The following RAD54L2 variants were observed in gnomAD, a reference collection of about 807,000 sequenced individuals.
RAD54L2 encodes RAD54 like 2, also known as helicase ARIP4.
Under a neutral mutation model 138.4 loss-of-function variants are expected in RAD54L2, and 27 were observed. The ratio of observed to expected loss-of-function variants is 0.20; its 90% confidence interval spans 0.14 to 0.27. The LOEUF (loss-of-function observed/expected upper bound fraction) is 0.27. Among genes scored for constraint, RAD54L2 ranks in the 10% least tolerant of loss-of-function variants. RAD54L2 has a pLI of 1.00. For missense variants in RAD54L2, 1,396 were observed against 1,890.2 expected (o/e 0.74, Z 4.85); for synonymous variants, 644 against 723.2 (o/e 0.89, Z 1.76).
intron 19 of RAD54L2, among the ~76,000 whole-genome samples, chr3:51,646,740 G>A (rs760234056): frequency 1.3e-5 from 2 of 152,236 alleles, no homozygotes; most frequent in East Asian, 1.9e-4. Context: ...GGTAGGAGAC[G>A]GGGATAAAGC....
intron 2 of RAD54L2, among the ~76,000 whole-genome samples, chr3:51,560,158 T>C (rs778267030): frequency 8.0e-5 from 12 of 150,646 alleles, no homozygotes; most frequent in Admixed American, 1.3e-4. Flanking sequence ...TCAGCAGTGT[T>C]GATAGTAAAA....
At chr3:51,658,763 C>G (rs745336119) in intron 21 of RAD54L2, among the ~76,000 whole-genome samples, 1 of 152,146 alleles carries the variant, frequency 6.6e-6, no homozygotes, top group Non-Finnish European at 1.5e-5. Context: ...TTACTGGATT[C>G]TTCCTAGTCT....
At chr3:51,655,761 C>CA (rs1701582690) in intron 19 of RAD54L2, among the ~76,000 whole-genome samples, 2 of 152,218 alleles carry the variant, frequency 1.3e-5, no homozygotes, top group Non-Finnish European at 2.9e-5. Context: ...TAGACTTTGA[C>CA]AGACTTTATC....
intron 2 of RAD54L2, among the ~76,000 whole-genome samples, chr3:51,554,345 C>T (rs569175384): frequency 7.8e-4 from 116 of 149,362 alleles, no homozygotes; most frequent in African/African-American, 2.7e-3. Context: ...CCAGCCTGGG[C>T]GACAAAGCGA....
intron 2 of RAD54L2, among the ~76,000 whole-genome samples, chr3:51,560,483 C>T (rs1041650596): frequency 6.6e-6 from 1 of 151,868 alleles, no homozygotes; most frequent in Non-Finnish European, 1.5e-5. Flanking sequence ...CCTCAGCCTC[C>T]TGTAGTAGCT....
At chr3:51,643,031 CTTT>C (rs1212581275) in intron 15 of RAD54L2, among the ~76,000 whole-genome samples, 7 of 113,210 alleles carry the variant, frequency 6.2e-5, no homozygotes, top group Middle Eastern at 5.3e-3. Context: ...TAACTGAAGT[CTTT>C]TTTTTTTTTT....
intron 2 of RAD54L2, among the ~76,000 whole-genome samples, chr3:51,557,830 C>CAAAAAAA (rs1166273906): frequency 6.2e-5 from 2 of 32,218 alleles, no homozygotes; most frequent in African/African-American, 1.2e-4. Flanking sequence ...AACTCCATCT[C>CAAAAAAA]AAAAAAAAAA....
intron 16 of RAD54L2, among the ~76,000 whole-genome samples, chr3:51,644,498 A>G (rs185368770): frequency 6.6e-5 from 10 of 152,334 alleles, no homozygotes; most frequent in South Asian, 2.1e-4. Flanking sequence ...CAAGAGTTTT[A>G]ATTAGCTTTT....
At chr3:51,648,583 C>T (rs1701348107) in intron 19 of RAD54L2, among the ~76,000 whole-genome samples, 1 of 152,176 alleles carries the variant, frequency 6.6e-6, no homozygotes, top group Non-Finnish European at 1.5e-5. Context: ...GGGTGCCCCT[C>T]TGAGACGAAG....
intron 2 of RAD54L2, among the ~76,000 whole-genome samples, chr3:51,578,492 T>C (rs1326185792): frequency 6.6e-6 from 1 of 152,202 alleles, no homozygotes; most frequent in Non-Finnish European, 1.5e-5. Flanking sequence ...ATGGAATGTA[T>C]TTTGAACTGC....
intron 3 of RAD54L2, among the ~76,000 whole-genome samples, chr3:51,626,912 C>T (rs984016227): frequency 6.6e-6 from 1 of 152,088 alleles, no homozygotes; most frequent in Non-Finnish European, 1.5e-5. Context: ...TTGATCTGCC[C>T]TTCCTGTGAT....
At chr3:51,644,582 G>C (rs1701223882) in intron 16 of RAD54L2, among the ~76,000 whole-genome samples, 1 of 152,252 alleles carries the variant, frequency 6.6e-6, no homozygotes, top group African/African-American at 2.4e-5. Context: ...AGTGCAAGGT[G>C]ACTGTAAAAG....
intron 2 of RAD54L2, among the ~76,000 whole-genome samples, chr3:51,561,537 G>A (rs1699098460): frequency 6.6e-6 from 1 of 151,558 alleles, no homozygotes. Flanking sequence ...GAGCCACCAC[G>A]CCCGGCCGAA....
In RAD54L2 at chr3:51,566,466, G is replaced by GTTT. The variant is rs71084149; in HGVS notation, c.-54-23873_-54-23871dup. Among the ~76,000 whole-genome samples, 9 of 31,534 alleles carry GTTT rather than the reference G, an allele frequency of 2.9e-4. 2 individuals are homozygous for GTTT. Among genetic ancestry groups the GTTT allele is most frequent in the East Asian group, 2.8e-3 (2 of 704 alleles). The allele number at this position is 31,534 out of a possible 152,430, so 20.7% of individuals were successfully genotyped here. On this transcript the variant is annotated intron_variant, in intron 2 of 22. Coordinates refer to ENST00000684192, the MANE Select transcript of RAD54L2 (RefSeq NM_015106.4). ...TGAATTTTATCACAGCCTTTTCTGC[G>GTTT]TTTTTTTTTTTTTTTTTTTTTTTTT... is the stretch of plus-strand genomic sequence containing the variant.
chr3:51,552,784 C>T (rs986972009), intron 2 of RAD54L2, among the ~76,000 whole-genome samples: 14 of 151,214 alleles, frequency 9.3e-5, no homozygotes, highest in Non-Finnish European at 2.9e-5. Context: ...GATTTTGAAC[C>T]TCTGGGCTCA....
At chr3:51,585,629 A>G (rs1162229004) in intron 2 of RAD54L2, among the ~76,000 whole-genome samples, 1 of 152,056 alleles carries the variant, frequency 6.6e-6, no homozygotes, top group African/African-American at 2.4e-5. Flanking sequence ...GCAGAACAAT[A>G]TTTTCCTTCA....
intron 3 of RAD54L2, among the ~76,000 whole-genome samples, chr3:51,612,937 T>C (rs898186840): frequency 6.6e-6 from 1 of 152,114 alleles, no homozygotes; most frequent in South Asian, 2.1e-4. Flanking sequence ...GCATGTACTT[T>C]ATTTTATTTA....
chr3:51,609,698 TTG>T (rs5848928), intron 3 of RAD54L2, among the ~76,000 whole-genome samples: 12,893 of 140,950 alleles, frequency 0.091, 940 homozygotes, highest in East Asian at 0.41. Context: ...TTGTGGGCAT[TTG>T]TGTGTGTGTG....
intron 2 of RAD54L2, among the ~76,000 whole-genome samples, chr3:51,587,150 G>T (rs1425843197): frequency 4.0e-5 from 6 of 151,570 alleles, no homozygotes; most frequent in African/African-American, 1.2e-4. Context: ...GCCCAGGCTG[G>T]AGTGCAGTGG....
Sources: gnomAD v4.1 joint callset for allele counts (sites outside exome capture counted in the v4.1 genomes callset) on GRCh38, gnomAD v4.1.1 for gene constraint, MANE v1.5 for transcripts, NCBI Gene and HGNC (gene_info 2026-07-23, HGNC 2026-07-21) for gene names.